CYP20A1: variants seen among roughly 807,000 people sequenced by gnomAD.
CYP20A1 encodes cytochrome P450 20A1.
A neutral mutation model predicts 61.4 loss-of-function variants in CYP20A1; 61 were observed. The ratio of observed to expected loss-of-function variants is 0.99; its 90% CI spans 0.81 to 1.23. The LOEUF (loss-of-function observed/expected upper bound fraction) is 1.23. CYP20A1 is among the 50% of genes most tolerant of loss of function. The pLI, the probability that CYP20A1 is intolerant of heterozygous loss-of-function variation, is 0.00. For synonymous variants in CYP20A1, 193 were observed against 188.2 expected, an observed-to-expected ratio of 1.03 and a Z score of -0.21; for missense variants, 530 against 542.4, an observed-to-expected ratio of 0.98 and a Z score of 0.23.
In CYP20A1 at chr2:203,298,620, G is replaced by C. The variant is rs1185693716; in HGVS notation, c.*1712G>C. Among the ~76,000 whole-genome samples the C allele has an allele frequency of 6.7e-6, 1 of 148,782 alleles. No homozygotes were observed. The highest frequency in any genetic ancestry group is 1.5e-5 in the Non-Finnish European group (1 of 67,588). On this transcript the variant is annotated 3_prime_UTR_variant, in exon 13 of 13. Coordinates refer to ENST00000356079, the MANE Select transcript of CYP20A1 (RefSeq NM_177538.3). ...GGAGGCTGAGGCAGGATAATCGCTT[G>C]AACCTGGGAGGCAGAGGTTGCAGTG...
At chr2:203,272,918 G>A (rs1056709718) in intron 6 of CYP20A1, among the ~76,000 whole-genome samples, 170 bp downstream of exon 6, 5 of 151,472 alleles carry the variant, frequency 3.3e-5, no homozygotes, top group African/African-American at 1.2e-4. Flanking sequence ...TGCGATCTCG[G>A]CCACAGCAAC....
In CYP20A1 at chr2:203,296,863, A is replaced by T; in HGVS notation, c.1344A>T (p.Thr448=). The T allele has an allele frequency of 1.2e-6, 2 of 1,608,278 alleles. No homozygotes were observed. The highest frequency in any genetic ancestry group is 1.7e-6 in the Non-Finnish European group (2 of 1,178,124). The part of the protein sequence containing the change: ...QVIETKYELV[T]SSREEAWITV... ...TTGAAACAAAGTATGAACTGGTAAC[A>T]TCATCAAGGGAAGAAGCTTGGATCA... Residue 448 remains threonine, a synonymous_variant, in exon 13 of 13, where the codon ACA becomes ACT. Transcript: ENST00000356079.
At chr2:203,289,958 T>G in intron 10 of CYP20A1, 82 bp downstream of exon 10, 1 of 559,572 alleles carries the variant, frequency 1.8e-6, no homozygotes, top group Non-Finnish European at 2.8e-6. Context: ...ATATATATTT[T>G]AGACAGAGGT....
In CYP20A1 at chr2:203,266,642, T is replaced by A; in HGVS notation, c.561T>A (p.Asp187Glu). The change falls in exon 5 of 13, where the codon GAT (aspartate) becomes GAA (glutamate). Residue 187 changes from aspartate (D) to glutamate (E), a missense_variant. By Grantham distance (45) the Asp-to-Glu change is conservative. Coordinates refer to ENST00000356079, the MANE Select transcript of CYP20A1 (RefSeq NM_177538.3). ...TGGTAATGGGTAGTACATTTGAAGA[T>A]GATCAGGAAGTCATTCGCTTCCAGA... ...TQMVMGSTFE[D>E]DQEVIRFQKN... is the part of the protein sequence containing the mutation. 6.2e-7 allele frequency: 1 copy of A among 1,614,042 alleles called. No homozygotes were observed. Among genetic ancestry groups the A allele is most frequent in the African/African-American group, 1.3e-5 (1 of 75,040 alleles).
intron 9 of CYP20A1, among the ~76,000 whole-genome samples, chr2:203,288,421 T>G (rs1264224637): frequency 6.6e-6 from 1 of 152,066 alleles, no homozygotes; most frequent in Non-Finnish European, 1.5e-5. Context: ...GCTCCTACCT[T>G]ATATTCCAGT....
rs145964395 is a variant in CYP20A1 at position 203,260,802 on chromosome 2, G to T, written c.433-5712G>T. Among the ~76,000 whole-genome samples, 55 of 152,290 alleles carry T rather than the reference G, an allele frequency of 3.6e-4. No individual in the cohort carries two copies. The East Asian group carries it at 0.01, about 28-fold the overall frequency. On this transcript the variant is annotated intron_variant, in intron 4 of 12. Transcript: ENST00000356079. Reference sequence around the variant, plus strand: ...GCCTCCCAAAGACCTAGGATTACTAGCATGGGCTACCAAGCCCAGCTGGTA... The same window carrying T: ...GCCTCCCAAAGACCTAGGATTACTATCATGGGCTACCAAGCCCAGCTGGTA...
intron 3 of CYP20A1, among the ~76,000 whole-genome samples, chr2:203,248,331 C>T (rs977488597): frequency 1.3e-5 from 2 of 152,078 alleles, no homozygotes; most frequent in African/African-American, 2.4e-5. Flanking sequence ...GTCAGGATTT[C>T]GAGACCAGCC....
rs967076902 is a variant in CYP20A1 at position 203,289,704 on chromosome 2, T to G, written c.972-61T>G. On this transcript the variant is annotated intron_variant, in intron 9 of 12. Coordinates refer to ENST00000356079, the MANE Select transcript of CYP20A1 (RefSeq NM_177538.3). ...GTTGTTGAAGAACGTTTTTTAAATG[T>G]ATGTACATTTCTAACTGCCTCCCAA... is the stretch of plus-strand genomic sequence containing the variant. The G allele has an allele frequency of 4.8e-6, 4 of 829,306 alleles. No homozygotes were observed. The African/African-American group carries it at 6.8e-5, about 14-fold the overall frequency. 51.4% of individuals were successfully genotyped at this position (829,306 alleles called of 1,614,324 possible). A position where few individuals can be genotyped will look rare whatever the true frequency, so the allele number is the denominator to read the frequency against.
At chr2:203,251,634 T>C (rs1183719741) in intron 3 of CYP20A1, among the ~76,000 whole-genome samples, 2 of 149,814 alleles carry the variant, frequency 1.3e-5, no homozygotes, top group African/African-American at 4.9e-5. Context: ...CCAGGAGTGT[T>C]GGCACACGCC....
intron 9 of CYP20A1, among the ~76,000 whole-genome samples, chr2:203,287,975 G>A (rs949669680): frequency 4.7e-5 from 7 of 148,714 alleles, no homozygotes; most frequent in African/African-American, 1.2e-4. Flanking sequence ...TTTTATCGTC[G>A]GTGGTGGTTT....
At position 203,283,109 on chromosome 2, in the gene CYP20A1, A is replaced by G. The variant is rs981459114; in HGVS notation, c.851-2503A>G. On this transcript the variant is annotated intron_variant, in intron 8 of 12. Transcript: ENST00000356079. ...GAGGATCAATTTAGCCAGGAGATCA[A>G]GGCCTCAAGTGAGCTGTGATCACTA... Among the ~76,000 whole-genome samples the G allele has an allele frequency of 5.3e-5, 8 of 151,754 alleles. 1 individual carries two copies. Among genetic ancestry groups the G allele is most frequent in the Non-Finnish European group, 1.2e-4 (8 of 67,964 alleles).
chr2:203,302,418 C>T lies in CYP20A1; in HGVS notation c.*5510C>T, dbSNP rs2069057703. On this transcript the variant is annotated 3_prime_UTR_variant, in exon 13 of 13. Transcript: ENST00000356079. ...GCCTTGGTGGCACCACCTGCAGTCC[C>T]AACTATTCAGGAGGCTGAGGCGAGA... is the stretch of plus-strand genomic sequence containing the variant. Among the ~76,000 whole-genome samples, 1 of 152,130 alleles carries T rather than the reference C, an allele frequency of 6.6e-6. No individual in the cohort carries two copies. Among genetic ancestry groups the T allele is most frequent in the Admixed American group, 6.5e-5 (1 of 15,268 alleles).
At chr2:203,277,172 C>T (rs182669532) in intron 6 of CYP20A1, among the ~76,000 whole-genome samples, 3 of 152,108 alleles carry the variant, frequency 2.0e-5, no homozygotes, top group Admixed American at 2.0e-4. Flanking sequence ...CACGGTGAAA[C>T]CCCGTCTCTA....
intron 8 of CYP20A1, among the ~76,000 whole-genome samples, chr2:203,282,479 T>G (rs2068084858): frequency 6.6e-6 from 1 of 152,092 alleles, no homozygotes; most frequent in Non-Finnish European, 1.5e-5. Context: ...AAAAAATTAG[T>G]ATAAAAATAG....
Position 203,300,216 on chromosome 2 carries a change from A to G in CYP20A1, c.*3308A>G, listed in dbSNP as rs906359502. Among the ~76,000 whole-genome samples, 1 of 152,240 alleles carries G rather than the reference A, an allele frequency of 6.6e-6. No homozygotes were observed. The highest frequency in any genetic ancestry group is 1.5e-5 in the Non-Finnish European group (1 of 68,044). ...ATTGGAATCAAGGAAAAGAGAGCAT[A>G]GAGGAATCAGCTAAATTAGTATGTT... On this transcript the variant is annotated 3_prime_UTR_variant, in exon 13 of 13. Coordinates refer to ENST00000356079, the MANE Select transcript of CYP20A1 (RefSeq NM_177538.3).
intron 5 of CYP20A1, among the ~76,000 whole-genome samples, chr2:203,269,763 G>A (rs867846705): frequency 6.6e-6 from 1 of 151,986 alleles, no homozygotes; most frequent in Middle Eastern, 3.2e-3. Context: ...CAAAGTGCTG[G>A]GATTGTAGGT....
chr2:203,243,760 G>A (rs1224641706), intron 1 of CYP20A1, among the ~76,000 whole-genome samples: 1 of 143,962 alleles, frequency 6.9e-6, no homozygotes, highest in Non-Finnish European at 1.5e-5. Context: ...TGTGACCTTG[G>A]CTTACTGCAG....
At chr2:203,295,044 C>G (rs2068728856) in intron 11 of CYP20A1, among the ~76,000 whole-genome samples, 1 of 144,004 alleles carries the variant, frequency 6.9e-6, no homozygotes, top group African/African-American at 2.5e-5. Flanking sequence ...GCTCCGCCTC[C>G]CGGGTTCATG....
chr2:203,278,925 G>T (rs1342979505), intron 7 of CYP20A1, among the ~76,000 whole-genome samples: 2 of 152,132 alleles, frequency 1.3e-5, no homozygotes, highest in Non-Finnish European at 2.9e-5. Flanking sequence ...CTAGAGTTCA[G>T]TGGCTTAAGA....
Sources: gnomAD v4.1 joint callset for allele counts (sites outside exome capture counted in the v4.1 genomes callset) on GRCh38, gnomAD v4.1.1 for gene constraint, MANE v1.5 for transcripts, NCBI Gene and HGNC (gene_info 2026-07-23, HGNC 2026-07-21) for gene names.